Variants in KNOP1 observed in about 807,000 individuals in gnomAD.
The protein encoded by KNOP1 is lysine-rich nucleolar protein 1.
In KNOP1, 20 loss-of-function variants were observed where a neutral mutation model predicts 30.6. The observed-to-expected ratio is 0.65, with a 90% CI of 0.46 to 0.95. The LOEUF (loss-of-function observed/expected upper bound fraction) is 0.95. KNOP1 is among the 40% of genes least tolerant of loss of function. The probability of loss-of-function intolerance (pLI) is 0.00; values close to 1 mark genes in which losing one functional copy is unlikely to be tolerated. For missense variants in KNOP1, 540 were observed against 562.0 expected (o/e 0.96, Z 0.40); for synonymous variants, 204 against 210.0 (o/e 0.97, Z 0.25).
intron 1 of KNOP1, 77 bp downstream of exon 1, chr16:19,718,081 C>G: frequency 7.0e-7 from 1 of 1,426,200 alleles, no homozygotes; most frequent in South Asian, 1.5e-5. Context: ...ATTTCCCCAT[C>G]TTCCCCGCCG....
chr16:19,708,568 G>A (rs1976542707), intron 4 of KNOP1, among the ~76,000 whole-genome samples: 1 of 152,074 alleles, frequency 6.6e-6, no homozygotes, highest in Non-Finnish European at 1.5e-5. Flanking sequence ...CACACCTCAA[G>A]CCCTCAGTGA....
At position 19,710,576 on chromosome 16, in the gene KNOP1, T is replaced by G. The variant is rs368533328; in HGVS notation, c.998A>C (p.Lys333Thr). 9 of 1,612,134 alleles carry G rather than the reference T, an allele frequency of 5.6e-6. No homozygotes were observed. The highest frequency in any genetic ancestry group is 7.6e-6 in the Non-Finnish European group (9 of 1,179,916). ...DEAHIDQVRR[K>T]ALQEEIDRES... is the part of the protein sequence containing the mutation. Reference sequence around the variant, plus strand: ...GCGATCGATCTCTTCTTGCAAGGCCTTTCGCCTCACCTGAGCAAGAAGGAT... The same window carrying G: ...GCGATCGATCTCTTCTTGCAAGGCCGTTCGCCTCACCTGAGCAAGAAGGAT... Residue 333 changes from lysine (K) to threonine (T), a missense_variant, in exon 4 of 5, where the codon AAG becomes ACG. Physicochemically the swap from Lys to Thr is moderately conservative, Grantham distance 78 (BLOSUM62 -1). Coordinates refer to ENST00000219837, the MANE Select transcript of KNOP1 (RefSeq NM_001012991.3).
chr16:19,710,854 G>A (rs536904806), intron 3 of KNOP1, among the ~76,000 whole-genome samples: 12 of 149,268 alleles, frequency 8.0e-5, no homozygotes, highest in African/African-American at 3.0e-4. Flanking sequence ...AGAGCTTGCA[G>A]TGAGCCAAGA....
rs186536298 is a variant in KNOP1, at chr16:19,706,328, G to A, written c.*582C>T. On this transcript the variant is annotated 3_prime_UTR_variant, in exon 5 of 5. Coordinates refer to ENST00000219837, the MANE Select transcript of KNOP1 (RefSeq NM_001012991.3). ...GCGAATAGTGAACTTAGGGCTTCGG[G>A]TACAAAAGTACAACACCCTGCACTT... The A allele has an allele frequency of 1.3e-3, 196 of 152,736 alleles. No individual in the cohort carries two copies. Among genetic ancestry groups the A allele is most frequent in the Non-Finnish European group, 2.2e-3 (150 of 68,072 alleles). 9.5% of individuals were successfully genotyped at this position (152,736 alleles called of 1,614,324 possible).
intron 1 of KNOP1, among the ~76,000 whole-genome samples, chr16:19,716,906 C>T (rs1977138611): frequency 1.3e-5 from 2 of 152,206 alleles, no homozygotes; most frequent in Admixed American, 1.3e-4. Context: ...GCAGTGGCAT[C>T]ATCTCGGCTC....
Position 19,703,092 on chromosome 16 carries a change from C to CAATTGTAGCGGCTTAAAACAT in KNOP1, c.*3797_*3817dup, listed in dbSNP as rs1380902759. On this transcript the variant is annotated 3_prime_UTR_variant, in exon 5 of 5. Coordinates refer to ENST00000219837, the MANE Select transcript of KNOP1 (RefSeq NM_001012991.3). ...CTATTGTTACTTTAACAAATTGCCA[C>CAATTGTAGCGGCTTAAAACAT]AATTGTAGCGGCTTAAAACATAATG... 2 of 152,066 alleles carry CAATTGTAGCGGCTTAAAACAT rather than the reference C, an allele frequency of 1.3e-5. No homozygotes were observed. Among genetic ancestry groups the CAATTGTAGCGGCTTAAAACAT allele is most frequent in the Non-Finnish European group, 2.9e-5 (2 of 68,026 alleles). 9.4% of individuals were successfully genotyped at this position (152,066 alleles called of 1,614,324 possible).
chr16:19,709,269 C>G (rs1976582148), intron 4 of KNOP1, among the ~76,000 whole-genome samples: 1 of 152,180 alleles, frequency 6.6e-6, no homozygotes, highest in African/African-American at 2.4e-5. Flanking sequence ...TCTTTTGATC[C>G]GAATCGACTG....
chr16:19,718,054 G>A, intron 1 of KNOP1, 104 bp downstream of exon 1: 1 of 1,408,254 alleles, frequency 7.1e-7, no homozygotes, highest in Non-Finnish European at 9.2e-7. Context: ...TCGGATTCAG[G>A]GATGTGGGTG....
chr16:19,705,461 G>A lies in KNOP1; in HGVS notation c.*1449C>T. 6.0e-6 allele frequency: 2 copies of A among 334,262 alleles called. No homozygotes were observed. Among genetic ancestry groups the A allele is most frequent in the South Asian group, 4.8e-5 (2 of 42,010 alleles). The allele number at this position is 334,262 out of a possible 1,614,324, so 20.7% of individuals were successfully genotyped here. On this transcript the variant is annotated 3_prime_UTR_variant, in exon 5 of 5. Transcript: ENST00000219837. ...CTTTGAGGCTTGCTGTAGAGTCCAG[G>A]CTTGGAAACGCTGTCCCCACAGCCG...
intron 2 of KNOP1, chr16:19,712,037 C>T (rs1427420102): frequency 1.3e-5 from 2 of 153,540 alleles, no homozygotes; most frequent in African/African-American, 4.8e-5. Flanking sequence ...CCATTCCCAT[C>T]ACTCATCCAG....
intron 1 of KNOP1, chr16:19,717,312 G>A (rs146982649): frequency 6.1e-6 from 6 of 985,372 alleles, no homozygotes; most frequent in East Asian, 2.3e-4. Context: ...TAAATAAGTG[G>A]GCAGAGATAA....
rs1400698594 is a variant in KNOP1, at chr16:19,703,505, G to A, written c.*3405C>T. On this transcript the variant is annotated 3_prime_UTR_variant, in exon 5 of 5. Transcript: ENST00000219837. Reference sequence around the variant, plus strand: ...AAATACACAGGTTCTGAGGAGATGTGGTAGGAAGGGGTGTTATTCTGCCAA... The same window carrying A: ...AAATACACAGGTTCTGAGGAGATGTAGTAGGAAGGGGTGTTATTCTGCCAA... 2.0e-5 allele frequency: 3 copies of A among 151,828 alleles called. No homozygotes were observed. Among genetic ancestry groups the A allele is most frequent in the Non-Finnish European group, 4.4e-5 (3 of 67,986 alleles). The allele number at this position is 151,828 out of a possible 1,614,324, so 9.4% of individuals were successfully genotyped here.
At chr16:19,715,565 C>T (rs1029639541) in intron 1 of KNOP1, among the ~76,000 whole-genome samples, 2 of 151,826 alleles carry the variant, frequency 1.3e-5, no homozygotes, top group Non-Finnish European at 2.9e-5. Context: ...AACAGGCACC[C>T]GTGATCATGC....
chr16:19,705,381 G>A lies in KNOP1; in HGVS notation c.*1529C>T. The A allele has an allele frequency of 2.5e-6, 1 of 401,322 alleles. No individual in the cohort carries two copies. The highest frequency in any genetic ancestry group is 2.7e-5 in the Admixed American group (1 of 36,552). The allele number at this position is 401,322 out of a possible 1,614,324, so 24.9% of individuals were successfully genotyped here. The stretch of plus-strand genomic sequence containing the variant: ...TGGGATGCAAAAAGCTAGGTGAGTG[G>A]AAAGAAGGTGGTCACAGATGGTCAC... On this transcript the variant is annotated 3_prime_UTR_variant, in exon 5 of 5. Coordinates refer to ENST00000219837, the MANE Select transcript of KNOP1 (RefSeq NM_001012991.3).
In KNOP1 at chr16:19,717,567, A is replaced by T. The variant is rs957674733; in HGVS notation, c.-3+591T>A. The T allele has an allele frequency of 3.0e-6, 3 of 985,360 alleles. No homozygotes were observed. The African/African-American group carries it at 5.2e-5, about 17-fold the overall frequency. The allele number at this position is 985,360 out of a possible 1,614,324, so 61.0% of individuals were successfully genotyped here. ...CTCCCCATCTCTTGCCATTTAGAAAAGTATAGCATCCTCCTCTTTAGCCCT... is the reference window on the plus strand; with the variant it reads ...CTCCCCATCTCTTGCCATTTAGAAATGTATAGCATCCTCCTCTTTAGCCCT... On this transcript the variant is annotated intron_variant, in intron 1 of 4. Coordinates refer to ENST00000219837, the MANE Select transcript of KNOP1 (RefSeq NM_001012991.3).
chr16:19,717,919 G>A, intron 1 of KNOP1: 1 of 1,123,210 alleles, frequency 8.9e-7, no homozygotes, highest in Non-Finnish European at 1.1e-6. Context: ...GGCTCCCATG[G>A]GCCCAAGCCT....
chr16:19,714,531 G>A lies in KNOP1; in HGVS notation c.505C>T (p.Pro169Ser), dbSNP rs1222815282. 3 of 1,614,030 alleles carry A rather than the reference G, an allele frequency of 1.9e-6. No individual in the cohort carries two copies. In the Admixed American group the frequency reaches 5.0e-5, roughly 27 times the overall value. ...GCCTCCCTGGCCTCACAGAACCAAG[G>A]GTCCTGGACCGAGAAGGCTGTGGGG... ...QDPTAFSVQD[P>S]WFCEAREARD... is the part of the protein sequence containing the mutation. The change falls in exon 2 of 5, where the codon CCT becomes TCT. Residue 169 changes from proline to serine, a missense_variant. Pro to Ser is a moderately conservative substitution (Grantham distance 74). Transcript: ENST00000219837.
chr16:19,707,283 C>T (rs1597459789), intron 4 of KNOP1, 62 bp from the exon 5 acceptor site: 3 of 1,414,216 alleles, frequency 2.1e-6, no homozygotes, highest in East Asian at 2.3e-5. Flanking sequence ...CTTCCCTTGA[C>T]CCCCACCCTC....
In KNOP1 at chr16:19,705,138, C is replaced by T. The variant is rs925346818; in HGVS notation, c.*1772G>A. 1 of 455,994 alleles carries T rather than the reference C, an allele frequency of 2.2e-6. No individual in the cohort carries two copies. The highest frequency in any genetic ancestry group is 6.9e-5 in the East Asian group (1 of 14,392). The allele number at this position is 455,994 out of a possible 1,614,324, so 28.2% of individuals were successfully genotyped here. ...TAGGGTCTTGATATGCTGCCTGGAACTGTTACTGCCATCTTTGTACTAGCC... is the reference window on the plus strand; with the variant it reads ...TAGGGTCTTGATATGCTGCCTGGAATTGTTACTGCCATCTTTGTACTAGCC... On this transcript the variant is annotated 3_prime_UTR_variant, in exon 5 of 5. Coordinates refer to ENST00000219837, the MANE Select transcript of KNOP1 (RefSeq NM_001012991.3).
Sources: allele counts gnomAD v4.1 joint callset (sites outside exome capture counted in the v4.1 genomes callset), GRCh38; gene constraint gnomAD v4.1.1; transcripts MANE v1.5; gene names NCBI Gene and HGNC (gene_info 2026-07-23, HGNC 2026-07-21).